KSR1: variants seen among roughly 807,000 people sequenced by gnomAD.
KSR1 encodes kinase suppressor of ras.
KSR1 carries 35 observed loss-of-function variants against 92.9 expected under a neutral mutation model. The observed-to-expected ratio is 0.38, with a 90% CI of 0.29 to 0.50. KSR1 has a LOEUF of 0.50. Ranked by LOEUF, KSR1 falls within the 20% of genes least tolerant of loss-of-function variation. KSR1 has a pLI of 0.94. For synonymous variants in KSR1, 467 were observed against 472.6 expected, an observed-to-expected ratio of 0.99 and a Z score of 0.15; for missense variants, 972 against 1,158.5, an observed-to-expected ratio of 0.84 and a Z score of 2.34.
chr17:27,515,340 T>C (rs1335998309), intron 1 of KSR1, among the ~76,000 whole-genome samples: 2 of 152,238 alleles, frequency 1.3e-5, no homozygotes, highest in Non-Finnish European at 2.9e-5. Flanking sequence ...GTCTTACAAA[T>C]GTATTACAGT....
At chr17:27,563,627 C>T (rs1449889171) in intron 2 of KSR1, among the ~76,000 whole-genome samples, 1 of 152,220 alleles carries the variant, frequency 6.6e-6, no homozygotes, top group East Asian at 1.9e-4. Context: ...CCTTCACCTA[C>T]CTTTGAGGCC....
intron 1 of KSR1, among the ~76,000 whole-genome samples, chr17:27,485,144 C>T (rs561067188): frequency 1.3e-5 from 2 of 152,336 alleles, no homozygotes; most frequent in African/African-American, 4.8e-5. Flanking sequence ...GCTCTCGGGC[C>T]ATGGCTGTCT....
At position 27,609,320 on chromosome 17, in the gene KSR1, G is replaced by T. The variant is rs779694982; in HGVS notation, c.2216G>T (p.Arg739Leu). The T allele has an allele frequency of 9.9e-6, 16 of 1,613,840 alleles. No individual in the cohort carries two copies. The highest frequency in any genetic ancestry group is 1.4e-5 in the Non-Finnish European group (16 of 1,179,878). Residue 739 changes from arginine to leucine, a missense_variant, in exon 16 of 21, where the codon CGA becomes CTA. Around this residue, in one of 5 missense-constraint regions of KSR1, gnomAD observed 260 missense variants for 375.2 expected, o/e 0.69. Coordinates refer to ENST00000644974, the MANE Select transcript of KSR1 (RefSeq NM_001394583.1). ...CTGTTTGGGATCTCAGGCGTGGTCC[G>T]AGAGGGACGGTGAGTTGGTCTTGAG... ...FGLFGISGVV[R>L]EGRRENQLKL...
intron 12 of KSR1, among the ~76,000 whole-genome samples, chr17:27,604,191 T>A (rs1156485774): frequency 6.6e-6 from 1 of 152,174 alleles, no homozygotes; most frequent in Non-Finnish European, 1.5e-5. Flanking sequence ...GAGCCCTTTC[T>A]CTACCAGGCC....
intron 1 of KSR1, among the ~76,000 whole-genome samples, chr17:27,526,098 C>CTTTCTTTCTTTCTTTCTTTCTT (rs1567792996): frequency 7.0e-5 from 1 of 14,288 alleles, no homozygotes; most frequent in African/African-American, 2.4e-4. Context: ...CTTTCTTTCT[C>CTTTCTTTCTTTCTTTCTTTCTT]TCTCTCTCTC....
At chr17:27,545,176 T>C (rs1445751979) in intron 1 of KSR1, among the ~76,000 whole-genome samples, 1 of 152,232 alleles carries the variant, frequency 6.6e-6, no homozygotes, top group Admixed American at 6.5e-5. Context: ...ATGGGCCTGC[T>C]TTGGGCTGTC....
At chr17:27,502,503 C>G (rs2069227045) in intron 1 of KSR1, among the ~76,000 whole-genome samples, 1 of 152,224 alleles carries the variant, frequency 6.6e-6, no homozygotes, top group Non-Finnish European at 1.5e-5. Flanking sequence ...TTAAAATCGA[C>G]TCCATCCTCT....
chr17:27,527,130 G>C, intron 1 of KSR1: 1 of 328,408 alleles, frequency 3.0e-6, no homozygotes. Context: ...TTACATTCCA[G>C]CACATATTTG....
chr17:27,626,078 G>A lies in KSR1; in HGVS notation c.*2686G>A, dbSNP rs1309983962. 6.6e-6 allele frequency: 1 copy of A among 152,210 alleles called. No individual in the cohort carries two copies. The highest frequency in any genetic ancestry group is 1.5e-5 in the Non-Finnish European group (1 of 68,056). The allele number at this position is 152,210 out of a possible 1,614,324, so 9.4% of individuals were successfully genotyped here. Reference sequence around the variant, plus strand: ...GAGGAATGGCAAGCCCTGGAAACCTGTGTTATTCTGTGTTGATTTGGTGTG... The same window carrying A: ...GAGGAATGGCAAGCCCTGGAAACCTATGTTATTCTGTGTTGATTTGGTGTG... On this transcript the variant is annotated 3_prime_UTR_variant, in exon 21 of 21. Coordinates refer to ENST00000644974, the MANE Select transcript of KSR1 (RefSeq NM_001394583.1).
At chr17:27,539,365 T>A (rs2062183057) in intron 1 of KSR1, among the ~76,000 whole-genome samples, 1 of 152,176 alleles carries the variant, frequency 6.6e-6, no homozygotes, top group African/African-American at 2.4e-5. Context: ...TCCTGACACC[T>A]GGGCCAGCAC....
chr17:27,485,274 C>G (rs1428555186), intron 1 of KSR1, among the ~76,000 whole-genome samples: 1 of 152,206 alleles, frequency 6.6e-6, no homozygotes. Context: ...GACCCTTGGT[C>G]TGAGCTGAGG....
intron 13 of KSR1, among the ~76,000 whole-genome samples, chr17:27,604,990 T>A (rs2073700829): frequency 6.6e-6 from 1 of 152,248 alleles, no homozygotes; most frequent in South Asian, 2.1e-4. Context: ...AACAAAAGTG[T>A]CAGCCAAGGC....
intron 1 of KSR1, among the ~76,000 whole-genome samples, chr17:27,525,374 G>A (rs975228318): frequency 1.3e-5 from 2 of 152,232 alleles, no homozygotes; most frequent in Non-Finnish European, 2.9e-5. Context: ...TTGCACAAAG[G>A]CACTGCATGG....
Position 27,459,607 on chromosome 17 carries a change from C to G in KSR1, c.231+2733C>G, listed in dbSNP as rs956675918. Among the ~76,000 whole-genome samples the G allele has an allele frequency of 5.9e-5, 9 of 152,264 alleles. No individual in the cohort carries two copies. Among genetic ancestry groups the G allele is most frequent in the African/African-American group, 1.9e-4 (8 of 41,476 alleles). On this transcript the variant is annotated intron_variant, in intron 1 of 20. Transcript: ENST00000644974. This position sits in a 1 kb window ranked among gnomAD's most constrained non-coding sequence, Gnocchi z 4.6. ...CCAGGCCGTGGCCCCAGAGACTGTG[C>G]TTGCAACACTGGATTCCTGGCTTTT...
chr17:27,527,653 G>T (rs967835674), intron 1 of KSR1, among the ~76,000 whole-genome samples: 1 of 151,982 alleles, frequency 6.6e-6, no homozygotes, highest in Admixed American at 6.6e-5. Context: ...CCTTGGCCTC[G>T]CAAAGTGCTG....
At chr17:27,494,001 T>C (rs1025422410) in intron 1 of KSR1, among the ~76,000 whole-genome samples, 2 of 152,146 alleles carry the variant, frequency 1.3e-5, no homozygotes, top group Admixed American at 6.5e-5. Flanking sequence ...AGAGAGAAAC[T>C]TGGGGACGCT....
At chr17:27,601,897 A>G (rs375221851) in intron 11 of KSR1, 10 of 1,608,702 alleles carry the variant, frequency 6.2e-6, no homozygotes, top group Admixed American at 3.4e-5. Context: ...ACACAGTGCC[A>G]TCTGCTGGCC....
At chr17:27,550,775 C>G (rs1227312528) in intron 2 of KSR1, 67 bp downstream of exon 2, 5 of 722,634 alleles carry the variant, frequency 6.9e-6, no homozygotes, top group Non-Finnish European at 1.3e-5. Context: ...ACACACAAAC[C>G]CGAGGGCTAG....
intron 19 of KSR1, among the ~76,000 whole-genome samples, chr17:27,620,189 G>T (rs1042033896): frequency 2.0e-5 from 3 of 152,202 alleles, no homozygotes; most frequent in African/African-American, 4.8e-5. Flanking sequence ...ATGCAATACT[G>T]GGTTCAGTAT....
Sources: gnomAD v4.1 joint callset for allele counts (sites outside exome capture counted in the v4.1 genomes callset) on GRCh38, gnomAD v4.1.1 for gene constraint, gnomAD v4.1.1 regional missense constraint, Gnocchi (gnomAD v3.1) non-coding constraint, MANE v1.5 for transcripts, NCBI Gene and HGNC (gene_info 2026-07-23, HGNC 2026-07-21) for gene names.